The following SNX29 variants were observed in gnomAD, a reference collection of about 807,000 sequenced individuals.
The protein encoded by SNX29 is sorting nexin 29.
Under a neutral mutation model 102.1 loss-of-function variants are expected in SNX29, and 78 were observed. That is an observed-to-expected ratio of 0.76 (90% CI 0.64 to 0.92). The LOEUF (loss-of-function observed/expected upper bound fraction) is 0.92. Among genes scored for constraint, SNX29 ranks in the 40% least tolerant of loss-of-function variants. The pLI is 0.00. For synonymous variants in SNX29, 580 were observed against 414.5 expected (o/e 1.40, Z -4.85); for missense variants, 1,280 against 1,061.7 (o/e 1.21, Z -2.86).
chr16:12,263,729 A>G (rs1233001112), intron 14 of SNX29, among the ~76,000 whole-genome samples: 1 of 152,228 alleles, frequency 6.6e-6, no homozygotes, highest in Non-Finnish European at 1.5e-5. Context: ...ATCCCTAGTG[A>G]GAGTGACAAA....
At chr16:12,278,648 ATCTT>A in intron 15 of SNX29, among the ~76,000 whole-genome samples, 1 of 49,918 alleles carries the variant, frequency 2.0e-5, no homozygotes, top group East Asian at 3.8e-4. Flanking sequence ...ATACGTCTCT[ATCTT>A]GGTTCAGGTA....
intron 4 of SNX29, among the ~76,000 whole-genome samples, chr16:12,041,914 G>T (rs2049894083): frequency 6.6e-6 from 1 of 152,204 alleles, no homozygotes; most frequent in Admixed American, 6.5e-5. Flanking sequence ...AAAAAGAAAA[G>T]TGCAGTAAAA....
At chr16:12,206,138 G>A (rs921408031) in intron 14 of SNX29, among the ~76,000 whole-genome samples, 2 of 152,186 alleles carry the variant, frequency 1.3e-5, no homozygotes, top group African/African-American at 4.8e-5. Flanking sequence ...CGATTATCAT[G>A]TGACCTTGAC....
At chr16:12,566,915 GTCT>G (rs1397097231) in intron 20 of SNX29, among the ~76,000 whole-genome samples, 2 of 152,216 alleles carry the variant, frequency 1.3e-5, no homozygotes, top group African/African-American at 2.4e-5. Context: ...ATTAAAAGGG[GTCT>G]TCATTTTGTT....
intron 20 of SNX29, among the ~76,000 whole-genome samples, chr16:12,534,337 C>G (rs1046014843): frequency 1.3e-5 from 2 of 152,208 alleles, no homozygotes; most frequent in Non-Finnish European, 2.9e-5. Context: ...AGCCAAATGT[C>G]CTGGTCTTTG....
intron 14 of SNX29, among the ~76,000 whole-genome samples, chr16:12,267,240 G>T (rs370782308): frequency 8.6e-6 from 1 of 116,360 alleles, no homozygotes; most frequent in Non-Finnish European, 1.8e-5. Context: ...GTTAGCATGG[G>T]TGCGAGTGTG....
intron 14 of SNX29, among the ~76,000 whole-genome samples, chr16:12,250,872 C>T (rs907103319): frequency 3.3e-5 from 5 of 152,182 alleles, no homozygotes; most frequent in African/African-American, 9.7e-5. Flanking sequence ...GAGCTCCAGT[C>T]GCCTGAAGTC....
chr16:12,242,972 G>A (rs932535938), intron 14 of SNX29, among the ~76,000 whole-genome samples: 9 of 152,080 alleles, frequency 5.9e-5, no homozygotes, highest in Admixed American at 2.0e-4. Context: ...AAACCCTACC[G>A]CATCTCTCAG....
At chr16:12,551,255 C>A (rs2077958636) in intron 20 of SNX29, among the ~76,000 whole-genome samples, 1 of 152,170 alleles carries the variant, frequency 6.6e-6, no homozygotes, top group African/African-American at 2.4e-5. Context: ...AAAATCACTG[C>A]TCCGGAGGTT....
chr16:12,553,582 CTT>C (rs34379904), intron 20 of SNX29, among the ~76,000 whole-genome samples: 22,749 of 148,626 alleles, frequency 0.15, 2,050 homozygotes, highest in South Asian at 0.3. Context: ...TCTGAGGATG[CTT>C]TGTTCCCCAC....
intron 1 of SNX29, among the ~76,000 whole-genome samples, chr16:11,995,918 G>A (rs145832697): frequency 7.8e-4 from 118 of 152,148 alleles, no homozygotes; most frequent in African/African-American, 2.7e-3. Flanking sequence ...AAATTAGCCG[G>A]GCGTGGTGGT....
At chr16:12,088,973 A>C (rs1249649279) in intron 11 of SNX29, among the ~76,000 whole-genome samples, 1 of 152,118 alleles carries the variant, frequency 6.6e-6, no homozygotes, top group East Asian at 1.9e-4. Context: ...CTGTGGTCCC[A>C]GGTACTAGGG....
At chr16:12,069,327 G>A (rs367760653) in intron 10 of SNX29, among the ~76,000 whole-genome samples, 195 bp downstream of exon 10, 1 of 151,948 alleles carries the variant, frequency 6.6e-6, no homozygotes, top group Non-Finnish European at 1.5e-5. Context: ...GTGCAGTGGC[G>A]CAGTCTCGGC....
intron 17 of SNX29, 80 bp downstream of exon 17, chr16:12,398,581 G>A (rs747590098): frequency 2.0e-6 from 3 of 1,511,740 alleles, no homozygotes; most frequent in Admixed American, 3.3e-5. Flanking sequence ...AAGACCACAG[G>A]GGGAAACAGA....
chr16:12,551,906 C>G (rs991127482), intron 20 of SNX29, among the ~76,000 whole-genome samples: 10 of 152,172 alleles, frequency 6.6e-5, no homozygotes, highest in African/African-American at 2.2e-4. Flanking sequence ...GTAGGGATCT[C>G]TATACCCTAC....
At chr16:12,371,495 A>G (rs55916220) in intron 16 of SNX29, among the ~76,000 whole-genome samples, 7,080 of 152,230 alleles carry the variant, frequency 0.047, 337 homozygotes, top group African/African-American at 0.11. Context: ...TTTTGTAGAG[A>G]CAGGGTCTTT....
chr16:12,150,907 G>A (rs945298438), intron 13 of SNX29, among the ~76,000 whole-genome samples: 10 of 152,194 alleles, frequency 6.6e-5, no homozygotes, highest in Admixed American at 2.6e-4. Flanking sequence ...GGCCGGATAG[G>A]ACCCCTGTTT....
chr16:12,250,002 A>C (rs1192851262), intron 14 of SNX29, among the ~76,000 whole-genome samples: 1 of 152,110 alleles, frequency 6.6e-6, no homozygotes, highest in East Asian at 1.9e-4. Flanking sequence ...GAGCAATCTC[A>C]ATGAAGTGTG....
chr16:12,050,041 A>G (rs2050240508), intron 7 of SNX29, among the ~76,000 whole-genome samples: 1 of 152,212 alleles, frequency 6.6e-6, no homozygotes, highest in Non-Finnish European at 1.5e-5. Flanking sequence ...TCTTTGGTAC[A>G]CAGTGGCCTT....
Sources: gnomAD v4.1 joint callset for allele counts (sites outside exome capture counted in the v4.1 genomes callset) on GRCh38, gnomAD v4.1.1 for gene constraint, MANE v1.5 for transcripts, NCBI Gene and HGNC (gene_info 2026-07-23, HGNC 2026-07-21) for gene names.